BACH2: variants seen among roughly 807,000 people sequenced by gnomAD.
The protein encoded by BACH2 is transcription regulator protein BACH2.
BACH2 carries 5 observed loss-of-function variants against 61.8 expected under a neutral mutation model. That is an observed-to-expected ratio of 0.08 (90% CI 0.04 to 0.17). BACH2 has a LOEUF of 0.17. Among genes scored for constraint, BACH2 ranks in the 10% least tolerant of loss-of-function variants. The pLI, the probability that BACH2 is intolerant of heterozygous loss-of-function variation, is 1.00. For missense variants in BACH2, 824 were observed against 1,091.1 expected (o/e 0.76, Z 3.45); for synonymous variants, 446 against 440.1 (o/e 1.01, Z -0.17).
chr6:90,014,732 C>A (rs902049673), intron 5 of BACH2, among the ~76,000 whole-genome samples: 11 of 151,374 alleles, frequency 7.3e-5, no homozygotes, highest in Non-Finnish European at 4.4e-5. Flanking sequence ...CTTGGCCTCG[C>A]AAAGTCTTGG....
chr6:90,118,199 C>G (rs891427161), intron 4 of BACH2, among the ~76,000 whole-genome samples: 1 of 152,102 alleles, frequency 6.6e-6, no homozygotes, highest in African/African-American at 2.4e-5. Flanking sequence ...TCATACTAAC[C>G]AAGAAATCTG....
intron 1 of BACH2, among the ~76,000 whole-genome samples, chr6:90,295,648 G>C (rs1772324161): frequency 2.2e-5 from 3 of 137,356 alleles, no homozygotes; most frequent in Middle Eastern, 3.7e-3. Context: ...GGAGACTGGA[G>C]TGTAGGGTGT....
In BACH2 at chr6:90,008,883, G is replaced by C. The variant is rs543808441; in HGVS notation, c.-12-27C>G. On this transcript the variant is annotated intron_variant, in intron 5 of 8. Coordinates refer to ENST00000257749, the MANE Select transcript of BACH2 (RefSeq NM_021813.4). The surrounding 1 kb of genome is among the most constrained non-coding windows in gnomAD (Gnocchi z 4.1). Reference sequence around the variant, plus strand: ...TGAAAGAAAGAAAGAAACAAAGAAAGAAAGAAAGAAAGGCTGAGTCACCAC... The same window carrying C: ...TGAAAGAAAGAAAGAAACAAAGAAACAAAGAAAGAAAGGCTGAGTCACCAC... 25 of 1,607,124 alleles carry C rather than the reference G, an allele frequency of 1.6e-5. No homozygotes were observed. Among genetic ancestry groups the C allele is most frequent in the Middle Eastern group, 1.8e-4 (1 of 5,462 alleles).
intron 5 of BACH2, among the ~76,000 whole-genome samples, chr6:90,055,818 C>T (rs1780313420): frequency 6.6e-6 from 1 of 152,160 alleles, no homozygotes. Flanking sequence ...GACCAATATT[C>T]AACATTCTTA....
chr6:89,985,210 C>T (rs975006959), intron 6 of BACH2, among the ~76,000 whole-genome samples: 4 of 152,162 alleles, frequency 2.6e-5, no homozygotes, highest in Admixed American at 6.5e-5. Context: ...TGAGAATTAA[C>T]GGATTAATGT....
chr6:89,972,983 G>A (rs757159457), intron 6 of BACH2, among the ~76,000 whole-genome samples: 5 of 152,242 alleles, frequency 3.3e-5, no homozygotes, highest in East Asian at 1.9e-4. Flanking sequence ...TCAGCTACTC[G>A]GGAGTCTGAG....
At chr6:90,021,735 T>C (rs1778389206) in intron 5 of BACH2, among the ~76,000 whole-genome samples, 1 of 152,236 alleles carries the variant, frequency 6.6e-6, no homozygotes, top group South Asian at 2.1e-4. Context: ...TTCTAATGCA[T>C]CAAGACTAAA....
chr6:90,014,419 ATT>A (rs1491305819), intron 5 of BACH2, among the ~76,000 whole-genome samples: 1 of 107,088 alleles, frequency 9.3e-6, no homozygotes, highest in Admixed American at 9.7e-5. Context: ...TTGGCATAAA[ATT>A]GTGTGTGTGT....
At chr6:90,126,143 A>C (rs1354377293) in intron 4 of BACH2, among the ~76,000 whole-genome samples, 1 of 152,164 alleles carries the variant, frequency 6.6e-6, no homozygotes, top group African/African-American at 2.4e-5. Flanking sequence ...CCATTACAAA[A>C]CCTGAAGGAA....
intron 6 of BACH2, among the ~76,000 whole-genome samples, chr6:89,963,272 G>A (rs549286474): frequency 6.6e-6 from 1 of 152,176 alleles, no homozygotes; most frequent in Admixed American, 6.5e-5. Flanking sequence ...AAATCCTTGT[G>A]CACTGTTTTA....
intron 5 of BACH2, among the ~76,000 whole-genome samples, chr6:90,056,692 C>T (rs1582279857): frequency 6.6e-6 from 1 of 152,106 alleles, no homozygotes; most frequent in African/African-American, 2.4e-5. Flanking sequence ...CCACACCACA[C>T]CTACTCCAAA....
intron 3 of BACH2, among the ~76,000 whole-genome samples, chr6:90,236,334 C>G (rs1229160238): frequency 6.6e-6 from 1 of 152,200 alleles, no homozygotes; most frequent in Non-Finnish European, 1.5e-5. Context: ...AGGCCAGAGA[C>G]AAACCTGAGC....
intron 6 of BACH2, among the ~76,000 whole-genome samples, chr6:89,992,783 C>T (rs1210315813): frequency 6.6e-6 from 1 of 152,212 alleles, no homozygotes; most frequent in Non-Finnish European, 1.5e-5. Flanking sequence ...ACTTTGTGCA[C>T]ATGTTGTTTT....
intron 5 of BACH2, among the ~76,000 whole-genome samples, chr6:90,072,941 C>T (rs1013974110): frequency 1.3e-5 from 2 of 152,162 alleles, no homozygotes; most frequent in African/African-American, 2.4e-5. Flanking sequence ...AATCTAACAT[C>T]GTTAACATAT....
At chr6:90,156,208 C>T (rs1027265553) in intron 4 of BACH2, among the ~76,000 whole-genome samples, 4 of 152,144 alleles carry the variant, frequency 2.6e-5, no homozygotes. Context: ...AAACGCTTCA[C>T]AAGAGTTTTT....
intron 3 of BACH2, chr6:90,218,248 G>C (rs1769606506): frequency 6.6e-6 from 1 of 152,104 alleles, no homozygotes; most frequent in African/African-American, 2.4e-5. Flanking sequence ...TTGTTTGGTG[G>C]GTGTTGCTCT....
intron 7 of BACH2, among the ~76,000 whole-genome samples, chr6:89,943,220 T>C (rs1006055434): frequency 1.3e-5 from 2 of 152,022 alleles, no homozygotes; most frequent in Non-Finnish European, 2.9e-5. Context: ...TACATATGTC[T>C]CCTTGCATGC....
intron 6 of BACH2, among the ~76,000 whole-genome samples, chr6:89,964,389 G>A (rs1462094733): frequency 6.6e-6 from 1 of 151,948 alleles, no homozygotes; most frequent in East Asian, 1.9e-4. Flanking sequence ...TAAGAGTATT[G>A]AACTTATTTA....
chr6:89,975,675 C>T (rs1178446725), intron 6 of BACH2, among the ~76,000 whole-genome samples: 1 of 152,196 alleles, frequency 6.6e-6, no homozygotes. Context: ...TCAGAGTTTA[C>T]ATCATTTCTT....
Sources: gnomAD v4.1 joint callset for allele counts (sites outside exome capture counted in the v4.1 genomes callset) on GRCh38, gnomAD v4.1.1 for gene constraint, Gnocchi (gnomAD v3.1) non-coding constraint, MANE v1.5 for transcripts, NCBI Gene and HGNC (gene_info 2026-07-23, HGNC 2026-07-21) for gene names.